The following KIAA0513 variants were observed in gnomAD, a reference collection of about 807,000 sequenced individuals.
KIAA0513 encodes the protein uncharacterized protein KIAA0513.
KIAA0513 carries 39 observed loss-of-function variants against 56.5 expected under a neutral mutation model. That is an observed-to-expected ratio of 0.69 (90% CI 0.53 to 0.90). KIAA0513 has a LOEUF of 0.90. Among genes scored for constraint, KIAA0513 ranks in the 40% least tolerant of loss-of-function variants. The pLI, the probability that KIAA0513 is intolerant of heterozygous loss-of-function variation, is 0.00. For synonymous variants in KIAA0513, 268 were observed against 215.6 expected (o/e 1.24, Z -2.13); for missense variants, 591 against 535.2 (o/e 1.10, Z -1.03).
chr16:85,044,610 G>A (rs185346364), intron 1 of KIAA0513, among the ~76,000 whole-genome samples: 27 of 151,738 alleles, frequency 1.8e-4, no homozygotes, highest in African/African-American at 6.3e-4. Flanking sequence ...AGGCTCAAGC[G>A]GTTCTTCTGC....
At chr16:85,066,638 G>C (rs1015614620) in intron 1 of KIAA0513, among the ~76,000 whole-genome samples, 2 of 152,170 alleles carry the variant, frequency 1.3e-5, no homozygotes, top group Admixed American at 6.5e-5. Context: ...GGGCTGGAGC[G>C]GGGAGGAGGC....
intron 1 of KIAA0513, among the ~76,000 whole-genome samples, chr16:85,036,255 G>A (rs950159276): frequency 1.3e-5 from 2 of 152,110 alleles, no homozygotes; most frequent in African/African-American, 4.8e-5. Flanking sequence ...ACTGAGTGAT[G>A]CAACCCTTAT....
At position 85,092,041 on chromosome 16, in the gene KIAA0513, C is replaced by G. The variant is rs1198896437; in HGVS notation, c.*3716C>G. On this transcript the variant is annotated 3_prime_UTR_variant, in exon 13 of 13. Transcript: ENST00000683363. ...CACTGCAACCTCCACCTCCCGGGTTCAAGCAATTCTCCTGCCTCAGCCTCC... is the reference window on the plus strand; with the variant it reads ...CACTGCAACCTCCACCTCCCGGGTTGAAGCAATTCTCCTGCCTCAGCCTCC... 2 of 151,214 alleles carry G rather than the reference C, an allele frequency of 1.3e-5. No homozygotes were observed. Among genetic ancestry groups the G allele is most frequent in the African/African-American group, 4.9e-5 (2 of 41,006 alleles). 9.4% of individuals were successfully genotyped at this position (151,214 alleles called of 1,614,324 possible). A position where few individuals can be genotyped will look rare whatever the true frequency, so the allele number is the denominator to read the frequency against.
In KIAA0513 at chr16:85,071,851, G is replaced by A. The variant is rs1597629973; in HGVS notation, c.398G>A (p.Arg133Gln). ...TGCAGCAGTGAAAATGGAAAAGGCC[G>A]GGAGTGGTTTGCTCGATACGTGAGT... ...EYCSSENGKG[R>Q]EWFARYVSAQ... is the part of the protein sequence containing the mutation. Residue 133 changes from arginine (R) to glutamine (Q), a missense_variant, in exon 3 of 13, where the codon CGG (arginine) becomes CAG (glutamine). Transcript: ENST00000683363. 2 of 1,612,354 alleles carry A rather than the reference G, an allele frequency of 1.2e-6. No individual in the cohort carries two copies. The highest frequency in any genetic ancestry group is 1.7e-6 in the Non-Finnish European group (2 of 1,179,576).
At chr16:85,036,236 A>G (rs898388071) in intron 1 of KIAA0513, among the ~76,000 whole-genome samples, 2 of 152,154 alleles carry the variant, frequency 1.3e-5, no homozygotes, top group African/African-American at 4.8e-5. Context: ...AGTGATTCTT[A>G]GTAACTTTAC....
intron 1 of KIAA0513, among the ~76,000 whole-genome samples, chr16:85,049,462 G>C (rs80325744): frequency 0.011 from 1,615 of 152,324 alleles, 11 homozygotes; most frequent in Non-Finnish European, 0.017. Context: ...GTAATCTCCA[G>C]TGTTGGAGGT....
chr16:85,038,987 G>A (rs1335552446), intron 1 of KIAA0513, among the ~76,000 whole-genome samples: 1 of 152,198 alleles, frequency 6.6e-6, no homozygotes, highest in African/African-American at 2.4e-5. Flanking sequence ...TCATAGCACA[G>A]ATGATGGCTA....
At chr16:85,047,705 C>G (rs992706632) in intron 1 of KIAA0513, among the ~76,000 whole-genome samples, 1 of 152,162 alleles carries the variant, frequency 6.6e-6, no homozygotes, top group African/African-American at 2.4e-5. Flanking sequence ...ATCTGGCCCA[C>G]TGTCTCAGAA....
intron 8 of KIAA0513, among the ~76,000 whole-genome samples, chr16:85,079,974 C>T (rs898118659): frequency 3.3e-5 from 5 of 152,170 alleles, no homozygotes; most frequent in African/African-American, 9.7e-5. Context: ...GCTTTGCTAG[C>T]ACCTGGAATC....
chr16:85,043,285 C>G (rs2073127301), intron 1 of KIAA0513, among the ~76,000 whole-genome samples: 2 of 152,236 alleles, frequency 1.3e-5, no homozygotes, highest in East Asian at 1.9e-4. Flanking sequence ...CAGGTACACA[C>G]CACACATACC....
chr16:85,031,116 T>A (rs1839961935), intron 1 of KIAA0513, among the ~76,000 whole-genome samples: 1 of 152,212 alleles, frequency 6.6e-6, no homozygotes, highest in Non-Finnish European at 1.5e-5. Context: ...GCTTGGGAAC[T>A]GTGATTTATT....
intron 9 of KIAA0513, among the ~76,000 whole-genome samples, chr16:85,082,153 G>A (rs983774741): frequency 2.0e-5 from 3 of 152,202 alleles, no homozygotes; most frequent in East Asian, 3.9e-4. Context: ...GGGAAGACTC[G>A]AGTCTACCAG....
chr16:85,051,636 C>G (rs1216747411), intron 1 of KIAA0513, among the ~76,000 whole-genome samples: 1 of 152,166 alleles, frequency 6.6e-6, no homozygotes, highest in Non-Finnish European at 1.5e-5. Flanking sequence ...CACACAGCGA[C>G]TCTTACACAT....
At position 85,034,087 on chromosome 16, in the gene KIAA0513, G is replaced by A. The variant is rs183799656; in HGVS notation, c.-173+6229G>A. On this transcript the variant is annotated intron_variant, in intron 1 of 12. Coordinates refer to ENST00000683363, the MANE Select transcript of KIAA0513 (RefSeq NM_001388359.1). ...ACAGATGACTTGTTTCCCATGTTAA[G>A]AGCTGATGAGGCCAGGCATGGTGGC... Among the ~76,000 whole-genome samples the A allele has an allele frequency of 6.8e-3, 1,029 of 152,232 alleles. 7 individuals carry two copies. The highest frequency in any genetic ancestry group is 0.016 in the African/African-American group (683 of 41,530).
intron 1 of KIAA0513, among the ~76,000 whole-genome samples, chr16:85,061,833 G>C (rs1015252101): frequency 6.6e-6 from 1 of 152,162 alleles, no homozygotes; most frequent in Admixed American, 6.5e-5. Context: ...GGGGCGGAAG[G>C]GGTTGCAGCA....
At chr16:85,051,593 G>A (rs1240173287) in intron 1 of KIAA0513, among the ~76,000 whole-genome samples, 1 of 152,010 alleles carries the variant, frequency 6.6e-6, no homozygotes, top group African/African-American at 2.4e-5. Context: ...CTTTCCTTCT[G>A]AGCCACATAG....
intron 1 of KIAA0513, among the ~76,000 whole-genome samples, chr16:85,056,411 C>G (rs1279710957): frequency 2.6e-5 from 4 of 152,348 alleles, no homozygotes; most frequent in South Asian, 2.1e-4. Flanking sequence ...GCAGCGGTAG[C>G]TCTTTCCATT....
At chr16:85,065,163 G>A (rs1485626780) in intron 1 of KIAA0513, among the ~76,000 whole-genome samples, 2 of 152,188 alleles carry the variant, frequency 1.3e-5, no homozygotes, top group Admixed American at 1.3e-4. Flanking sequence ...TGCCGGGCAT[G>A]TTACTGTGTG....
intron 1 of KIAA0513, among the ~76,000 whole-genome samples, chr16:85,050,347 A>T (rs868664228): frequency 1.1e-3 from 107 of 99,850 alleles, no homozygotes; most frequent in African/African-American, 2.6e-3. Flanking sequence ...TTATTTATTT[A>T]TTTATTTATT....
Sources: gnomAD v4.1 joint callset for allele counts (sites outside exome capture counted in the v4.1 genomes callset) on GRCh38, gnomAD v4.1.1 for gene constraint, MANE v1.5 for transcripts, NCBI Gene and HGNC (gene_info 2026-07-23, HGNC 2026-07-21) for gene names.